RORB: variants seen among roughly 807,000 people sequenced by gnomAD.
The protein encoded by RORB is RAR related orphan receptor B, also known as nuclear receptor ROR-beta.
RORB carries 6 observed loss-of-function variants against 59.1 expected under a neutral mutation model. The observed-to-expected ratio is 0.10, with a 90% CI of 0.06 to 0.20. The LOEUF (loss-of-function observed/expected upper bound fraction) is 0.20. RORB is among the 10% of genes least tolerant of loss of function. The pLI is 1.00. For synonymous variants in RORB, 215 were observed against 204.5 expected (o/e 1.05, Z -0.44); for missense variants, 320 against 560.5 (o/e 0.57, Z 4.33).
chr9:74,532,831 T>TACAC (rs1808201876), intron 1 of RORB, among the ~76,000 whole-genome samples: 2 of 135,170 alleles, frequency 1.5e-5, no homozygotes, highest in African/African-American at 5.4e-5. Context: ...TATATGTGTA[T>TACAC]ATATATACAC....
At chr9:74,500,111 C>G (rs1825786335) in intron 1 of RORB, among the ~76,000 whole-genome samples, 1 of 152,176 alleles carries the variant, frequency 6.6e-6, no homozygotes, top group Non-Finnish European at 1.5e-5. Flanking sequence ...GCCCACAGAC[C>G]TATCAAAGAG....
chr9:74,688,146 C>A lies in RORB; in HGVS notation c.*2528C>A, dbSNP rs1824677115. 6.6e-6 allele frequency: 1 copy of A among 152,154 alleles called. No individual in the cohort carries two copies. The highest frequency in any genetic ancestry group is 1.5e-5 in the Non-Finnish European group (1 of 68,040). 9.4% of individuals were successfully genotyped at this position (152,154 alleles called of 1,614,324 possible). A position where few individuals can be genotyped will look rare whatever the true frequency, so the allele number is the denominator to read the frequency against. On this transcript the variant is annotated 3_prime_UTR_variant, in exon 10 of 10. Transcript: ENST00000376896. ...CTGCTTTGAATTTGTGTTGTTTCCA[C>A]TAGCGTTAAGCATTTCACTGGGACG...
At chr9:74,671,252 T>C (rs1824341609) in intron 8 of RORB, among the ~76,000 whole-genome samples, 1 of 152,102 alleles carries the variant, frequency 6.6e-6, no homozygotes, top group Non-Finnish European at 1.5e-5. Context: ...GGGATTATCC[T>C]ATTCACCATT....
intron 7 of RORB, 76 bp from the exon 8 acceptor site, chr9:74,667,715 G>A: frequency 1.1e-6 from 1 of 874,830 alleles, no homozygotes; most frequent in Non-Finnish European, 2.0e-6. Flanking sequence ...ATAGCTTATT[G>A]ATTATGAGAT....
chr9:74,563,600 A>G (rs1342544143), intron 1 of RORB, among the ~76,000 whole-genome samples: 1 of 152,230 alleles, frequency 6.6e-6, no homozygotes, highest in Non-Finnish European at 1.5e-5. Flanking sequence ...GATTTGTCCA[A>G]CATTCCTTTG....
chr9:74,670,846 G>A (rs1236226329), intron 8 of RORB, among the ~76,000 whole-genome samples: 9 of 152,166 alleles, frequency 5.9e-5, no homozygotes, highest in East Asian at 1.9e-4. Context: ...ACTCACTTAC[G>A]TAAGGTTTTG....
chr9:74,533,751 A>T (rs1826280479), intron 1 of RORB, among the ~76,000 whole-genome samples: 1 of 152,032 alleles, frequency 6.6e-6, no homozygotes, highest in African/African-American at 2.4e-5. Flanking sequence ...CTTAATTAGG[A>T]GGAGCCTAGA....
chr9:74,639,390 G>A (rs1467268199), intron 3 of RORB, among the ~76,000 whole-genome samples: 3 of 152,146 alleles, frequency 2.0e-5, no homozygotes, highest in Non-Finnish European at 2.9e-5. Context: ...ATGGGGAAGG[G>A]CATGGAAAGA....
At chr9:74,524,630 G>A (rs1490464934) in intron 1 of RORB, among the ~76,000 whole-genome samples, 2 of 151,854 alleles carry the variant, frequency 1.3e-5, no homozygotes, top group East Asian at 3.9e-4. Context: ...TTCTCTATTT[G>A]CATAATGTAA....
chr9:74,634,799 C>T (rs1324856991), intron 3 of RORB, 27 bp downstream of exon 3: 1 of 1,589,092 alleles, frequency 6.3e-7, no homozygotes, highest in Non-Finnish European at 8.6e-7. Context: ...CTGTTTCTTA[C>T]TTAAGCCCTT....
chr9:74,534,492 A>G (rs1826292037), intron 1 of RORB, among the ~76,000 whole-genome samples: 1 of 152,026 alleles, frequency 6.6e-6, no homozygotes, highest in South Asian at 2.1e-4. Flanking sequence ...TTCATAGAAC[A>G]TCATTGCAGC....
chr9:74,576,066 A>G (rs1822630268), intron 1 of RORB, among the ~76,000 whole-genome samples: 1 of 152,146 alleles, frequency 6.6e-6, no homozygotes, highest in Admixed American at 6.6e-5. Flanking sequence ...TTCAATAAAT[A>G]TTAAACAGCC....
chr9:74,546,416 G>A (rs1826491269), intron 1 of RORB, among the ~76,000 whole-genome samples: 1 of 152,020 alleles, frequency 6.6e-6, no homozygotes, highest in Non-Finnish European at 1.5e-5. Flanking sequence ...AGGAAGAGGT[G>A]CTAACAAAGA....
intron 1 of RORB, among the ~76,000 whole-genome samples, chr9:74,562,435 A>C (rs1272898072): frequency 6.6e-6 from 1 of 152,218 alleles, no homozygotes; most frequent in East Asian, 1.9e-4. Context: ...TACCAAGGAT[A>C]TCAAGAAATT....
chr9:74,606,094 T>G (rs1418009101), intron 1 of RORB, among the ~76,000 whole-genome samples: 2 of 152,216 alleles, frequency 1.3e-5, no homozygotes, highest in African/African-American at 4.8e-5. Context: ...TACTAACACC[T>G]ACCACCCAGA....
intron 1 of RORB, among the ~76,000 whole-genome samples, chr9:74,506,027 A>G (rs1440919982): frequency 1.3e-5 from 2 of 151,838 alleles, no homozygotes; most frequent in Non-Finnish European, 2.9e-5. Context: ...ACTTTATAAT[A>G]TCCATATACA....
intron 1 of RORB, among the ~76,000 whole-genome samples, chr9:74,581,716 A>G (rs1822726340): frequency 6.6e-6 from 1 of 152,166 alleles, no homozygotes; most frequent in Non-Finnish European, 1.5e-5. Flanking sequence ...GTCTGCAATG[A>G]AATTCTCTCT....
intron 1 of RORB, among the ~76,000 whole-genome samples, chr9:74,551,801 T>C (rs1826612681): frequency 6.6e-6 from 1 of 152,204 alleles, no homozygotes; most frequent in Admixed American, 6.5e-5. Context: ...ATTATAGTGG[T>C]TGCCATTCGT....
chr9:74,538,661 T>C (rs555849851), intron 1 of RORB, among the ~76,000 whole-genome samples: 1 of 151,598 alleles, frequency 6.6e-6, no homozygotes, highest in East Asian at 1.9e-4. Context: ...TGTGCATGTA[T>C]GTACAGATTA....
Sources: gnomAD v4.1 joint callset for allele counts (sites outside exome capture counted in the v4.1 genomes callset) on GRCh38, gnomAD v4.1.1 for gene constraint, MANE v1.5 for transcripts, NCBI Gene and HGNC (gene_info 2026-07-23, HGNC 2026-07-21) for gene names.